The following CADM2 variants were observed in gnomAD, a reference collection of about 807,000 sequenced individuals.
The protein encoded by CADM2 is immunoglobulin superfamily member 4D.
CADM2 carries 12 observed loss-of-function variants against 49.8 expected under a neutral mutation model. The ratio of observed to expected loss-of-function variants is 0.24; its 90% CI spans 0.15 to 0.39. CADM2 has a LOEUF of 0.39. CADM2 is among the 10% of genes least tolerant of loss of function. The pLI, the probability that CADM2 is intolerant of heterozygous loss-of-function variation, is 1.00. For missense variants in CADM2, 378 were observed against 492.3 expected, an observed-to-expected ratio of 0.77 and a Z score of 2.20; for synonymous variants, 214 against 175.4, an observed-to-expected ratio of 1.22 and a Z score of -1.74.
At chr3:85,059,612 G>A (rs2036227206) in intron 1 of CADM2, among the ~76,000 whole-genome samples, 1 of 152,084 alleles carries the variant, frequency 6.6e-6, no homozygotes, top group Non-Finnish European at 1.5e-5. Flanking sequence ...CCGGTGGGAG[G>A]TGATTGAACT....
At chr3:85,420,336 A>T (rs2036111770) in intron 1 of CADM2, among the ~76,000 whole-genome samples, 1 of 152,230 alleles carries the variant, frequency 6.6e-6, no homozygotes, top group Admixed American at 6.5e-5. Context: ...TGTCACAGTC[A>T]TTGATCTGTA....
intron 1 of CADM2, among the ~76,000 whole-genome samples, chr3:85,686,489 T>C (rs914733645): frequency 4.6e-5 from 7 of 152,224 alleles, no homozygotes; most frequent in African/African-American, 1.7e-4. Flanking sequence ...AATATTATTC[T>C]GTACCAAGAA....
At chr3:85,893,269 G>A (rs1273073690) in intron 5 of CADM2, among the ~76,000 whole-genome samples, 1 of 152,034 alleles carries the variant, frequency 6.6e-6, no homozygotes, top group African/African-American at 2.4e-5. Context: ...TTAATAAATG[G>A]TGCTAGGAAA....
chr3:85,138,870 G>A (rs1340723000), intron 1 of CADM2, among the ~76,000 whole-genome samples: 2 of 152,150 alleles, frequency 1.3e-5, no homozygotes, highest in Non-Finnish European at 2.9e-5. Flanking sequence ...AGAAAACAAG[G>A]ATGAAGTATA....
chr3:85,578,814 A>G (rs886340215), intron 1 of CADM2, among the ~76,000 whole-genome samples: 4 of 152,278 alleles, frequency 2.6e-5, no homozygotes, highest in African/African-American at 9.6e-5. Flanking sequence ...TTCTGTTGCT[A>G]TTGATATCAA....
At chr3:85,657,978 G>A (rs987876044) in intron 1 of CADM2, among the ~76,000 whole-genome samples, 4 of 151,900 alleles carry the variant, frequency 2.6e-5, no homozygotes, top group Non-Finnish European at 5.9e-5. Flanking sequence ...TCTCTAATTT[G>A]TATGTGTTTG....
At chr3:85,153,228 G>C (rs972505472) in intron 1 of CADM2, among the ~76,000 whole-genome samples, 1 of 152,096 alleles carries the variant, frequency 6.6e-6, no homozygotes, top group Non-Finnish European at 1.5e-5. Context: ...GTGGGTGCGC[G>C]CACCCTGCGC....
At chr3:85,932,507 G>A (rs1577697784) in intron 6 of CADM2, among the ~76,000 whole-genome samples, 1 of 152,152 alleles carries the variant, frequency 6.6e-6, no homozygotes, top group Non-Finnish European at 1.5e-5. Context: ...AACAGAATTT[G>A]AATCCCATTC....
At chr3:85,471,144 A>G (rs963000291) in intron 1 of CADM2, among the ~76,000 whole-genome samples, 1 of 152,098 alleles carries the variant, frequency 6.6e-6, no homozygotes, top group East Asian at 1.9e-4. Flanking sequence ...CCTAAAAGTG[A>G]GCATTCCAAG....
chr3:85,300,902 T>G (rs2044081818), intron 1 of CADM2, among the ~76,000 whole-genome samples: 1 of 151,992 alleles, frequency 6.6e-6, no homozygotes, highest in African/African-American at 2.4e-5. Context: ...AATACATGTA[T>G]AATTTTTAAA....
rs759810736 is a variant in CADM2, at chr3:86,037,884, T to G, written c.971-27721T>G. Among the ~76,000 whole-genome samples, 11 of 152,188 alleles carry G rather than the reference T, an allele frequency of 7.2e-5. 1 individual carries two copies. Among genetic ancestry groups the G allele is most frequent in the Non-Finnish European group, 1.6e-4 (11 of 68,040 alleles). On this transcript the variant is annotated intron_variant, in intron 8 of 9. Coordinates refer to ENST00000383699, the MANE Select transcript of CADM2 (RefSeq NM_001167675.2). ...AATACATGGGCAGAACATGCAGGTT[T>G]GTTGCATAAGTATACATGTGCCATG...
At chr3:85,866,773 AC>A (rs1290130091) in intron 3 of CADM2, among the ~76,000 whole-genome samples, 1 of 152,078 alleles carries the variant, frequency 6.6e-6, no homozygotes, top group Non-Finnish European at 1.5e-5. Context: ...TTCTACTTTC[AC>A]CATGACTGCC....
In CADM2 at chr3:85,586,033, T is replaced by A. The variant is rs868138560; in HGVS notation, c.62-140489T>A. Among the ~76,000 whole-genome samples, 106 of 152,226 alleles carry A rather than the reference T, an allele frequency of 7.0e-4. No homozygotes were observed. In the Middle Eastern group the frequency reaches 0.014, roughly 20 times the overall value. ...CTCAGCTGTACTTCTAGGGATTTTG[T>A]TCTACAATTCAGTGTGTGATTTTGT... On this transcript the variant is annotated intron_variant, in intron 1 of 9. Transcript: ENST00000383699.
chr3:85,907,638 C>T (rs766414098), intron 5 of CADM2, among the ~76,000 whole-genome samples: 4 of 152,030 alleles, frequency 2.6e-5, no homozygotes, highest in African/African-American at 4.8e-5. Flanking sequence ...TGGCTGGACA[C>T]GGTGGCTCAC....
chr3:86,059,582 C>G (rs1738374464), intron 8 of CADM2, among the ~76,000 whole-genome samples: 1 of 152,102 alleles, frequency 6.6e-6, no homozygotes, highest in Non-Finnish European at 1.5e-5. Flanking sequence ...AAATCATGGG[C>G]TAATGCTTGA....
At chr3:85,905,594 T>C (rs1233613525) in intron 5 of CADM2, among the ~76,000 whole-genome samples, 1 of 151,780 alleles carries the variant, frequency 6.6e-6, no homozygotes, top group African/African-American at 2.4e-5. Flanking sequence ...ATATAAAAAT[T>C]AGGAATTTCT....
chr3:85,385,054 A>G (rs1459819133), intron 1 of CADM2, among the ~76,000 whole-genome samples: 2 of 151,762 alleles, frequency 1.3e-5, no homozygotes, highest in African/African-American at 2.4e-5. Flanking sequence ...TCCTGCCTCA[A>G]TTTCCTGAGT....
chr3:85,910,367 A>G (rs1394049355), intron 5 of CADM2, among the ~76,000 whole-genome samples: 3 of 152,144 alleles, frequency 2.0e-5, no homozygotes, highest in Non-Finnish European at 4.4e-5. Flanking sequence ...ATGAAGCAAC[A>G]TATTTGTATA....
intron 3 of CADM2, among the ~76,000 whole-genome samples, chr3:85,846,313 A>G (rs2074876446): frequency 6.6e-6 from 1 of 152,136 alleles, no homozygotes; most frequent in Non-Finnish European, 1.5e-5. Context: ...TTGCTTAATC[A>G]TTCAGTCAGT....
Sources: allele counts gnomAD v4.1 joint callset (sites outside exome capture counted in the v4.1 genomes callset), GRCh38; gene constraint gnomAD v4.1.1; transcripts MANE v1.5; gene names NCBI Gene and HGNC (gene_info 2026-07-23, HGNC 2026-07-21).